The following CAGE1 variants were observed in gnomAD, a reference collection of about 807,000 sequenced individuals.
CAGE1 encodes cancer antigen 1.
CAGE1 carries 66 observed loss-of-function variants against 94.9 expected under a neutral mutation model. The observed-to-expected ratio is 0.70, with a 90% CI of 0.57 to 0.85. The LOEUF (loss-of-function observed/expected upper bound fraction) is 0.85. Among genes scored for constraint, CAGE1 ranks in the 40% least tolerant of loss-of-function variants. CAGE1 has a pLI of 0.00. For synonymous variants in CAGE1, 319 were observed against 321.0 expected (o/e 0.99, Z 0.07); for missense variants, 865 against 950.4 (o/e 0.91, Z 1.18).
chr6:7,335,475 C>G (rs1197015374), intron 11 of CAGE1, among the ~76,000 whole-genome samples: 1 of 152,244 alleles, frequency 6.6e-6, no homozygotes, highest in Non-Finnish European at 1.5e-5. Flanking sequence ...AAAGAGCATA[C>G]ACTCCTAGGC....
rs967374182 is a variant in CAGE1, at chr6:7,370,161, T to C, written c.1747-96A>G. The C allele has an allele frequency of 2.4e-5, 20 of 850,488 alleles. No individual in the cohort carries two copies. In the African/African-American group the frequency reaches 2.8e-4, roughly 12 times the overall value. 52.7% of individuals were successfully genotyped at this position (850,488 alleles called of 1,614,324 possible). A position where few individuals can be genotyped will look rare whatever the true frequency, so the allele number is the denominator to read the frequency against. ...GAATAAAATGGCACTCTTAAAAACC[T>C]TGGGCGACAGTTCTCAAACTTTTTC... On this transcript the variant is annotated intron_variant, in intron 5 of 13. Coordinates refer to ENST00000502583, the MANE Select transcript of CAGE1 (RefSeq NM_001170692.2).
chr6:7,354,060 T>C (rs1483361153), intron 11 of CAGE1, among the ~76,000 whole-genome samples: 1 of 151,472 alleles, frequency 6.6e-6, no homozygotes, highest in Non-Finnish European at 1.5e-5. Context: ...TCTAACCAAA[T>C]ATCACCTGTA....
At chr6:7,341,275 T>A in intron 11 of CAGE1, 2 of 663,898 alleles carry the variant, frequency 3.0e-6, no homozygotes, top group Non-Finnish European at 2.8e-6. Context: ...CATCTCCTTG[T>A]GGTGGGTGTA....
Position 7,351,652 on chromosome 6 carries a change from G to A in CAGE1, c.2369+3389C>T, listed in dbSNP as rs185498782. 2.1e-3 allele frequency among the ~76,000 whole-genome samples: 319 copies of A among 150,672 alleles called. 2 individuals carry two copies. The highest frequency in any genetic ancestry group is 0.011 in the South Asian group (52 of 4,782). ...CCTTAACAAAATACTAGCTAACTGA[G>A]TCCAACAACATATCAAAAAGATAAT... is the stretch of plus-strand genomic sequence containing the variant. On this transcript the variant is annotated intron_variant, in intron 11 of 13. Transcript: ENST00000502583.
At chr6:7,328,922 A>G (rs1300538726) in intron 13 of CAGE1, among the ~76,000 whole-genome samples, 45 of 63,122 alleles carry the variant, frequency 7.1e-4, no homozygotes, top group East Asian at 1.7e-3. Flanking sequence ...GTGTGTGTAT[A>G]TATATATATA....
chr6:7,361,836 T>C (rs1454703606), intron 9 of CAGE1, among the ~76,000 whole-genome samples: 3 of 152,192 alleles, frequency 2.0e-5, no homozygotes, highest in African/African-American at 4.8e-5. Context: ...ACTAAGAATG[T>C]AAGATTCCAT....
At chr6:7,366,767 G>A (rs1760355845) in intron 7 of CAGE1, among the ~76,000 whole-genome samples, 1 of 151,688 alleles carries the variant, frequency 6.6e-6, no homozygotes, top group Non-Finnish European at 1.5e-5. Context: ...CCTTTGCTGT[G>A]GTAAGTCATA....
intron 12 of CAGE1, among the ~76,000 whole-genome samples, chr6:7,333,713 T>A (rs2477484): frequency 6.8e-6 from 1 of 146,166 alleles, no homozygotes; most frequent in Non-Finnish European, 1.5e-5. Context: ...CTGTTGCTCA[T>A]GCTGGAGTGC....
intron 11 of CAGE1, among the ~76,000 whole-genome samples, chr6:7,354,343 A>C (rs1670259933): frequency 6.6e-6 from 1 of 152,222 alleles, no homozygotes. Context: ...AAAAAATGGA[A>C]AAACTGTTTG....
In CAGE1 at chr6:7,387,186, A is replaced by G. The variant is rs1000938121; in HGVS notation, c.-13T>C. The G allele has an allele frequency of 1.1e-5, 17 of 1,534,028 alleles. No homozygotes were observed. In the African/African-American group the frequency reaches 1.4e-4, roughly 13 times the overall value. The stretch of plus-strand genomic sequence containing the variant: ...AGTCCTTGTTCATAACTGTTGAACA[A>G]TAGAAGACTTCTTTAAAAAAAAAAT... On this transcript the variant is annotated 5_prime_UTR_variant, in exon 2 of 14. Coordinates refer to ENST00000502583, the MANE Select transcript of CAGE1 (RefSeq NM_001170692.2).
Position 7,378,758 on chromosome 6 carries a change from A to G in CAGE1, c.546T>C (p.Tyr182=). The G allele has an allele frequency of 6.2e-7, 1 of 1,613,978 alleles. No homozygotes were observed. ...SANTDQLGNE[Y]FRQPPPRSPP... ...GGCTTCTAGGAGGAGGCTGTCTAAAATACTCGTTACCAAGTTGGTCTGTAT... is the reference window on the plus strand; with the variant it reads ...GGCTTCTAGGAGGAGGCTGTCTAAAGTACTCGTTACCAAGTTGGTCTGTAT... Residue 182 remains tyrosine (Y), a synonymous_variant, in exon 4 of 14, where the codon TAT becomes TAC. Coordinates refer to ENST00000502583, the MANE Select transcript of CAGE1 (RefSeq NM_001170692.2).
chr6:7,360,345 G>A (rs1416217033), intron 9 of CAGE1, among the ~76,000 whole-genome samples: 2 of 152,138 alleles, frequency 1.3e-5, no homozygotes, highest in Non-Finnish European at 2.9e-5. Flanking sequence ...GATTTGAGGT[G>A]CCAGGCCAGG....
chr6:7,344,598 G>C (rs1759349820), intron 11 of CAGE1, among the ~76,000 whole-genome samples: 1 of 152,032 alleles, frequency 6.6e-6, no homozygotes, highest in African/African-American at 2.4e-5. Context: ...GCTGAGGAGT[G>C]CGGGCGTACG....
chr6:7,345,277 A>G (rs1389123564), intron 11 of CAGE1, among the ~76,000 whole-genome samples: 8 of 152,242 alleles, frequency 5.3e-5, no homozygotes, highest in African/African-American at 1.2e-4. Flanking sequence ...TAAGAGTTGC[A>G]GCACTGACTG....
intron 6 of CAGE1, among the ~76,000 whole-genome samples, chr6:7,369,034 A>C (rs1048714070): frequency 7.0e-6 from 1 of 143,682 alleles, no homozygotes; most frequent in African/African-American, 2.6e-5. Flanking sequence ...TTTGAGATAG[A>C]GTTTTGCTCT....
Position 7,339,705 on chromosome 6 carries a change from A to C in CAGE1, c.2370-5615T>G, listed in dbSNP as rs540696390. The stretch of plus-strand genomic sequence containing the variant: ...TTCCTGAGCTACTTCACTTAGAATA[A>C]TGGTCTCCAATTCCATCTAAGTTGC... On this transcript the variant is annotated intron_variant, in intron 11 of 13. Transcript: ENST00000502583. This position sits in a 1 kb window ranked among gnomAD's most constrained non-coding sequence, Gnocchi z 4.7. The C allele has an allele frequency of 1.8e-6, 1 of 546,800 alleles. No individual in the cohort carries two copies. Among genetic ancestry groups the C allele is most frequent in the South Asian group, 2.0e-5 (1 of 49,632 alleles). The allele number at this position is 546,800 out of a possible 1,614,324, so 33.9% of individuals were successfully genotyped here.
intron 3 of CAGE1, among the ~76,000 whole-genome samples, chr6:7,381,884 G>C (rs1760946426): frequency 6.8e-6 from 1 of 146,522 alleles, no homozygotes; most frequent in Admixed American, 6.9e-5. Flanking sequence ...TCTGTCCCCA[G>C]GCTGGAGTGC....
At chr6:7,359,977 C>T (rs998327259) in intron 9 of CAGE1, among the ~76,000 whole-genome samples, 3 of 152,126 alleles carry the variant, frequency 2.0e-5, no homozygotes, top group Non-Finnish European at 2.9e-5. Context: ...AACAGGGCTG[C>T]GCTCCTTTCT....
chr6:7,354,629 T>C (rs1463692584), intron 11 of CAGE1, among the ~76,000 whole-genome samples: 1 of 152,192 alleles, frequency 6.6e-6, no homozygotes, highest in African/African-American at 2.4e-5. Flanking sequence ...TTTTGCAGTG[T>C]TTCATGCTGA....
Sources: gnomAD v4.1 joint callset for allele counts (sites outside exome capture counted in the v4.1 genomes callset) on GRCh38, gnomAD v4.1.1 for gene constraint, Gnocchi (gnomAD v3.1) non-coding constraint, MANE v1.5 for transcripts, NCBI Gene and HGNC (gene_info 2026-07-23, HGNC 2026-07-21) for gene names.